The following SPAG1 variants were observed in gnomAD, a reference collection of about 807,000 sequenced individuals.
SPAG1 encodes the protein sperm associated antigen 1.
Under a neutral mutation model 100.5 loss-of-function variants are expected in SPAG1, and 69 were observed. The ratio of observed to expected loss-of-function variants is 0.69; its 90% confidence interval spans 0.57 to 0.84. SPAG1 has a LOEUF of 0.84. Ranked by LOEUF, SPAG1 falls within the 40% of genes least tolerant of loss-of-function variation. SPAG1 has a pLI of 0.00. For missense variants in SPAG1, 955 were observed against 1,133.1 expected (o/e 0.84, Z 2.26); for synonymous variants, 336 against 411.6 (o/e 0.82, Z 2.22).
chr8:100,233,253 C>T (rs1287193739), intron 15 of SPAG1, 158 bp from the exon 16 acceptor site: 1 of 733,406 alleles, frequency 1.4e-6, no homozygotes, highest in Non-Finnish European at 2.3e-6. Context: ...GTTGTATGCC[C>T]AGTGCCATAA....
intron 14 of SPAG1, among the ~76,000 whole-genome samples, chr8:100,225,801 T>C (rs549526188): frequency 1.6e-4 from 24 of 152,088 alleles, no homozygotes; most frequent in Non-Finnish European, 2.8e-4. Flanking sequence ...ACATACCTCC[T>C]GTGTCCTACT....
Position 100,160,318 on chromosome 8 carries a change from T to A in SPAG1, c.-3+1702T>A, listed in dbSNP as rs556368843. Among the ~76,000 whole-genome samples the A allele has an allele frequency of 2.4e-4, 37 of 152,268 alleles. No homozygotes were observed. The East Asian group carries it at 7.1e-3, about 29-fold the overall frequency. ...GGAAGACAAATAAACATAATTCAAA[T>A]TTGTGCTAAGAGAGAGGTATGTACA... On this transcript the variant is annotated intron_variant, in intron 1 of 18. Transcript: ENST00000388798.
intron 10 of SPAG1, among the ~76,000 whole-genome samples, chr8:100,200,722 T>C (rs1179098801): frequency 6.6e-6 from 1 of 152,238 alleles, no homozygotes; most frequent in Admixed American, 6.5e-5. Context: ...TTTTCATATG[T>C]CTGTTGGCTG....
chr8:100,184,885 T>C (rs1816523863), intron 7 of SPAG1, 152 bp downstream of exon 7: 2 of 574,658 alleles, frequency 3.5e-6, no homozygotes, highest in African/African-American at 2.0e-5. Flanking sequence ...GTTTCTCCTA[T>C]TTTTTCAATA....
chr8:100,206,501 G>A (rs1817523995), intron 10 of SPAG1, among the ~76,000 whole-genome samples: 1 of 152,208 alleles, frequency 6.6e-6, no homozygotes, highest in East Asian at 1.9e-4. Context: ...GCAAGAAGTA[G>A]CAAACACACT....
chr8:100,198,326 C>T (rs902568674), intron 10 of SPAG1, among the ~76,000 whole-genome samples: 3 of 151,822 alleles, frequency 2.0e-5, no homozygotes, highest in Non-Finnish European at 2.9e-5. Context: ...AAATGAAAAA[C>T]GTGTATGTTA....
At chr8:100,203,352 G>T (rs1413135610) in intron 10 of SPAG1, among the ~76,000 whole-genome samples, 4 of 151,994 alleles carry the variant, frequency 2.6e-5, no homozygotes, top group Non-Finnish European at 5.9e-5. Flanking sequence ...TCTCCTATTA[G>T]TTCTGTCCCT....
chr8:100,201,911 TGTC>T (rs1185872505), intron 10 of SPAG1, among the ~76,000 whole-genome samples: 1 of 152,204 alleles, frequency 6.6e-6, no homozygotes, highest in Non-Finnish European at 1.5e-5. Flanking sequence ...TTAAACATGT[TGTC>T]TGGAGTTCAG....
At chr8:100,227,616 A>G (rs748818273) in intron 14 of SPAG1, among the ~76,000 whole-genome samples, 127 of 152,344 alleles carry the variant, frequency 8.3e-4, no homozygotes, top group Non-Finnish European at 1.4e-3. Context: ...CAAAATGCAT[A>G]TATAGCTGTG....
At chr8:100,226,226 G>T (rs576651442) in intron 14 of SPAG1, among the ~76,000 whole-genome samples, 1 of 152,042 alleles carries the variant, frequency 6.6e-6, no homozygotes, top group East Asian at 1.9e-4. Context: ...CAAATTCCAG[G>T]GCTAAAGTGA....
rs778546131 is a variant in SPAG1 at position 100,240,655 on chromosome 8, C to G, written c.2533C>G (p.Leu845Val). 6.8e-6 allele frequency: 11 copies of G among 1,614,020 alleles called. No individual in the cohort carries two copies. Among genetic ancestry groups the G allele is most frequent in the Non-Finnish European group, 3.4e-6 (4 of 1,180,022 alleles). The part of the protein sequence containing the change: ...KDLPMFLSNK[L>V]EGDTFLLLIQ... ...TTTGCCGATGTTTTTAAGTAACAAA[C>G]TTGAAGGGGATACATTCCTTCTCCT... is the stretch of plus-strand genomic sequence containing the variant. The change falls in exon 18 of 19, where the codon CTT becomes GTT. Residue 845 changes from leucine (L) to valine (V), a missense_variant. Transcript: ENST00000388798.
intron 3 of SPAG1, among the ~76,000 whole-genome samples, chr8:100,170,996 G>A (rs749957415): frequency 8.6e-5 from 13 of 151,480 alleles, no homozygotes; most frequent in Admixed American, 2.0e-4. Flanking sequence ...TTGTGTAGAT[G>A]CCCTTTATCA....
chr8:100,187,947 G>C (rs1054655634), intron 8 of SPAG1, among the ~76,000 whole-genome samples: 3 of 152,000 alleles, frequency 2.0e-5, no homozygotes, highest in Non-Finnish European at 1.5e-5. Flanking sequence ...CTGCCTCCTG[G>C]ATTCAAGTGG....
At chr8:100,227,564 C>G (rs1024452752) in intron 14 of SPAG1, among the ~76,000 whole-genome samples, 2 of 152,144 alleles carry the variant, frequency 1.3e-5, no homozygotes, top group African/African-American at 4.8e-5. Flanking sequence ...TAGGGCCTGA[C>G]ACAAAGCATT....
At chr8:100,231,052 T>G in intron 14 of SPAG1, 104 bp from the exon 15 acceptor site, 1 of 950,974 alleles carries the variant, frequency 1.1e-6, no homozygotes, top group Non-Finnish European at 1.5e-6. Context: ...GCATGCTGTG[T>G]GGTCAAGTTA....
chr8:100,212,977 C>G (rs971702575), intron 10 of SPAG1, 113 bp from the exon 11 acceptor site: 19 of 844,536 alleles, frequency 2.2e-5, no homozygotes, highest in Non-Finnish European at 2.8e-5. Context: ...GTGCCCGAGC[C>G]GGCTTCCCTA....
At position 100,194,235 on chromosome 8, in the gene SPAG1, G is replaced by T. The variant is rs759277423; in HGVS notation, c.1063G>T (p.Gly355Ter). 6 of 1,605,776 alleles carry T rather than the reference G, an allele frequency of 3.7e-6. No homozygotes were observed. The Admixed American group carries it at 1.0e-4, about 27-fold the overall frequency. The stretch of plus-strand genomic sequence containing the variant: ...CTCCGAAGATGAAGAAGGAAAAAGC[G>T]GAAGAAAACATGAAGATGGCGGTGG... ...ENSEDEEGKSGRKHEDGGGDK... is the reference protein window; with the variant it reads ...ENSEDEEGKS Residue 355 changes from glycine (G) to a stop codon, truncating the protein, a stop_gained, in exon 10 of 19, where the codon GGA becomes TGA. Coordinates refer to ENST00000388798, the MANE Select transcript of SPAG1 (RefSeq NM_003114.5). LOFTEE classifies it high-confidence loss of function.
chr8:100,235,109 C>T (rs761327137), intron 16 of SPAG1, among the ~76,000 whole-genome samples: 4 of 152,054 alleles, frequency 2.6e-5, no homozygotes, highest in Non-Finnish European at 5.9e-5. Flanking sequence ...TCTCAGCTTG[C>T]GGTGTTAATA....
chr8:100,185,136 A>G (rs1339104977), intron 7 of SPAG1: 1 of 178,432 alleles, frequency 5.6e-6, no homozygotes, highest in East Asian at 1.9e-4. Flanking sequence ...TGCTTTTCCC[A>G]TGGCTGGTCT....
Sources: gnomAD v4.1 joint callset for allele counts (sites outside exome capture counted in the v4.1 genomes callset) on GRCh38, gnomAD v4.1.1 for gene constraint, MANE v1.5 for transcripts, NCBI Gene and HGNC (gene_info 2026-07-23, HGNC 2026-07-21) for gene names.